Variants in SHANK1 observed in about 807,000 individuals in gnomAD.
SHANK1 encodes the protein SH3 and multiple ankyrin repeat domains 1.
In SHANK1, 35 loss-of-function variants were observed where a neutral mutation model predicts 165.6. The ratio of observed to expected loss-of-function variants is 0.21; its 90% confidence interval spans 0.16 to 0.28. The LOEUF (loss-of-function observed/expected upper bound fraction) is 0.28, where lower values mean the gene tolerates loss of function less well. SHANK1 is among the 10% of genes least tolerant of loss of function. The probability of loss-of-function intolerance (pLI) is 1.00; values close to 1 mark genes in which losing one functional copy is unlikely to be tolerated. For missense variants in SHANK1, 2,681 were observed against 3,036.4 expected, an observed-to-expected ratio of 0.88 and a Z score of 2.75; for synonymous variants, 1,428 against 1,384.8, an observed-to-expected ratio of 1.03 and a Z score of -0.69.
In SHANK1 at chr19:50,666,711, T is replaced by C; in HGVS notation, c.5249A>G (p.Gln1750Arg). Residue 1750 changes from glutamine (Q) to arginine (R), a missense_variant, in exon 23 of 24, where the codon CAG (glutamine) becomes CGG (arginine). Physicochemically the swap from Gln to Arg is conservative, Grantham distance 43. This residue lies in a region of SHANK1 where 1,713 missense variants were observed against 1,630.2 expected (regional missense o/e 1.05). Coordinates refer to ENST00000293441, the MANE Select transcript of SHANK1 (RefSeq NM_016148.5). ...CCGGAGCTTAGAGGGAGTCATGAGCTGAGGAGGGTATGGCGGGCCGGGAGT... is the reference window on the plus strand; with the variant it reads ...CCGGAGCTTAGAGGGAGTCATGAGCCGAGGAGGGTATGGCGGGCCGGGAGT... ...SSTPGPPYPP[Q>R]LMTPSKLRGR... The C allele has an allele frequency of 6.3e-7, 1 of 1,583,076 alleles. No individual in the cohort carries two copies. The highest frequency in any genetic ancestry group is 8.6e-7 in the Non-Finnish European group (1 of 1,166,574).
chr19:50,661,501 A>T lies in SHANK1; in HGVS notation c.*464T>A, dbSNP rs1985219766. On this transcript the variant is annotated 3_prime_UTR_variant, in exon 24 of 24. Coordinates refer to ENST00000293441, the MANE Select transcript of SHANK1 (RefSeq NM_016148.5). ...AGGGGGGCAGCTGTGTGTGCTGGGG[A>T]GAGGGGAAGGGGGGAGAGCTGAGGG... is the stretch of plus-strand genomic sequence containing the variant. Among the ~76,000 whole-genome samples, 1 of 115,668 alleles carries T rather than the reference A, an allele frequency of 8.6e-6. No homozygotes were observed. The allele number at this position is 115,668 out of a possible 152,430, so 75.9% of individuals were successfully genotyped here. A position where few individuals can be genotyped will look rare whatever the true frequency, so the allele number is the denominator to read the frequency against.
At chr19:50,684,930 C>G (rs1303189634) in intron 21 of SHANK1, among the ~76,000 whole-genome samples, 1 of 152,194 alleles carries the variant, frequency 6.6e-6, no homozygotes, top group African/African-American at 2.4e-5. Flanking sequence ...TTTAGTGTAA[C>G]TGGCCTCTTT....
At chr19:50,715,206 G>A (rs891898715) in intron 4 of SHANK1, among the ~76,000 whole-genome samples, 3 of 152,090 alleles carry the variant, frequency 2.0e-5, no homozygotes, top group Admixed American at 1.3e-4. Flanking sequence ...GCTGGAAAGG[G>A]GGGTGTAATG....
At position 50,688,715 on chromosome 19, in the gene SHANK1, G is replaced by A. The variant is rs1189861781; in HGVS notation, c.2172+129C>T. 6.1e-6 allele frequency: 5 copies of A among 824,020 alleles called. No individual in the cohort carries two copies. The highest frequency in any genetic ancestry group is 1.8e-5 in the South Asian group (1 of 55,646). The allele number at this position is 824,020 out of a possible 1,614,324, so 51.0% of individuals were successfully genotyped here. On this transcript the variant is annotated intron_variant, in intron 17 of 23. Coordinates refer to ENST00000293441, the MANE Select transcript of SHANK1 (RefSeq NM_016148.5). The surrounding 1 kb of genome is among the most constrained non-coding windows in gnomAD (Gnocchi z 6.7). ...GGGGAAAGCAGAGGCTGGCTGGGGG[G>A]TGGGCAGGGGGCTGGGAATCCTGGT...
chr19:50,719,646 C>T lies in SHANK1; in HGVS notation c.-284G>A, dbSNP rs2089114715. Among the ~76,000 whole-genome samples the T allele has an allele frequency of 6.7e-6, 1 of 149,378 alleles. No homozygotes were observed. The highest frequency in any genetic ancestry group is 6.6e-5 in the Admixed American group (1 of 15,082). On this transcript the variant is annotated 5_prime_UTR_variant, in exon 1 of 24. Coordinates refer to ENST00000293441, the MANE Select transcript of SHANK1 (RefSeq NM_016148.5). ...AGCGCCCCCCCTTCCGCCGCGGCCGCCGCGCCCCTCCTCGCCCGCCCCCGG... is the reference window on the plus strand; with the variant it reads ...AGCGCCCCCCCTTCCGCCGCGGCCGTCGCGCCCCTCCTCGCCCGCCCCCGG...
At position 50,686,725 on chromosome 19, in the gene SHANK1, C is replaced by T. The variant is rs373724363; in HGVS notation, c.2458+19G>A. The T allele has an allele frequency of 4.3e-6, 7 of 1,611,596 alleles. No homozygotes were observed. The highest frequency in any genetic ancestry group is 2.2e-5 in the East Asian group (1 of 44,754). ...GGCTGGGGCCCGGCATCCCGAGGAG[C>T]AGGGCTGGGCCGTCTTACTGAGAGC... On this transcript the variant is annotated intron_variant, in intron 20 of 23. Coordinates refer to ENST00000293441, the MANE Select transcript of SHANK1 (RefSeq NM_016148.5). This position sits in a 1 kb window ranked among gnomAD's most constrained non-coding sequence, Gnocchi z 5.7.
At chr19:50,677,965 T>C (rs1219071708) in intron 21 of SHANK1, among the ~76,000 whole-genome samples, 1 of 152,234 alleles carries the variant, frequency 6.6e-6, no homozygotes, top group African/African-American at 2.4e-5. Flanking sequence ...TGCAGCTGTG[T>C]GGTATCAGAG....
chr19:50,669,772 T>TAA (rs398041052), intron 22 of SHANK1, among the ~76,000 whole-genome samples: 55 of 147,446 alleles, frequency 3.7e-4, no homozygotes, highest in Middle Eastern at 3.5e-3. Flanking sequence ...ATTGGATCTA[T>TAA]AAAAAAAAAA....
rs952161325 is a variant in SHANK1, at chr19:50,668,174, C to A, written c.3786G>T (p.Ala1262=). The A allele has an allele frequency of 6.8e-7, 1 of 1,473,966 alleles. No homozygotes were observed. Among genetic ancestry groups the A allele is most frequent in the East Asian group, 2.9e-5 (1 of 34,246 alleles). 91.3% of individuals were successfully genotyped at this position (1,473,966 alleles called of 1,614,324 possible). The change falls in exon 23 of 24, where the codon GCG becomes GCT. Residue 1262 remains alanine (A), a synonymous_variant. Transcript: ENST00000293441. ...RRSTLFLSTD[A]GDEDGGDGGL... is the part of the protein sequence containing the mutation. ...CGCCGTCCCCGCCGTCCTCGTCCCCCGCGTCGGTGGACAGGAACAGCGTGG... is the reference window on the plus strand; with the variant it reads ...CGCCGTCCCCGCCGTCCTCGTCCCCAGCGTCGGTGGACAGGAACAGCGTGG...
chr19:50,663,684 A>G (rs1037160040), intron 23 of SHANK1, among the ~76,000 whole-genome samples: 1 of 151,966 alleles, frequency 6.6e-6, no homozygotes, highest in Non-Finnish European at 1.5e-5. Flanking sequence ...TCATGAGTCA[A>G]TAATTAATGC....
Position 50,697,735 on chromosome 19 carries a change from C to A in SHANK1, c.1862-71G>T. On this transcript the variant is annotated intron_variant, in intron 13 of 23. Transcript: ENST00000293441. This position sits in a 1 kb window ranked among gnomAD's most constrained non-coding sequence, Gnocchi z 4.7. ...ACAATCCCAGCCCTAGAGCTCCTGG[C>A]CCAAGTCTTCCCATCTACCTCCCAG... 1 of 1,544,588 alleles carries A rather than the reference C, an allele frequency of 6.5e-7. No homozygotes were observed. Among genetic ancestry groups the A allele is most frequent in the Non-Finnish European group, 8.9e-7 (1 of 1,117,920 alleles).
chr19:50,715,832 C>A lies in SHANK1; in HGVS notation c.460-102G>T. The stretch of plus-strand genomic sequence containing the variant: ...GGAAGGTCTGATCCCCTTCTAATTC[C>A]CCGGGGTAGCTCAGGGTGGGAGTGA... On this transcript the variant is annotated intron_variant, in intron 3 of 23. Transcript: ENST00000293441. 3 of 1,142,040 alleles carry A rather than the reference C, an allele frequency of 2.6e-6. No homozygotes were observed. In the South Asian group the frequency reaches 3.7e-5, roughly 14 times the overall value. The allele number at this position is 1,142,040 out of a possible 1,614,324, so 70.7% of individuals were successfully genotyped here.
rs540361981 is a variant in SHANK1 at position 50,680,774 on chromosome 19, T to C, written c.2577+5463A>G. ...AGGTTCAAGCGATTCTCCTGTCCCA[T>C]GCTCCCGAGTAGCTGGAATAACAGG... On this transcript the variant is annotated intron_variant, in intron 21 of 23. Transcript: ENST00000293441. Among the ~76,000 whole-genome samples, 6 of 151,996 alleles carry C rather than the reference T, an allele frequency of 3.9e-5. No individual in the cohort carries two copies. The South Asian group carries it at 6.2e-4, about 16-fold the overall frequency.
chr19:50,680,809 C>A (rs551347428), intron 21 of SHANK1, among the ~76,000 whole-genome samples: 2 of 152,296 alleles, frequency 1.3e-5, no homozygotes, highest in Admixed American at 6.5e-5. Context: ...GCGTGCGCCA[C>A]CACACCCAGC....
Position 50,686,883 on chromosome 19 carries a change from G to A in SHANK1, c.2390-71C>T, listed in dbSNP as rs1986359356. The A allele has an allele frequency of 8.3e-6, 13 of 1,575,504 alleles. No individual in the cohort carries two copies. Among genetic ancestry groups the A allele is most frequent in the South Asian group, 1.1e-5 (1 of 88,766 alleles). On this transcript the variant is annotated intron_variant, in intron 19 of 23. Coordinates refer to ENST00000293441, the MANE Select transcript of SHANK1 (RefSeq NM_016148.5). This position sits in a 1 kb window ranked among gnomAD's most constrained non-coding sequence, Gnocchi z 5.7. ...GGGGCGGAGCGGGCTCGGCCTGTGG[G>A]CGTGGCCAGCAGGTGCGGGCCAGTG... is the stretch of plus-strand genomic sequence containing the variant.
chr19:50,693,481 C>G (rs1986609861), intron 15 of SHANK1, among the ~76,000 whole-genome samples: 1 of 151,942 alleles, frequency 6.6e-6, no homozygotes, highest in Non-Finnish European at 1.5e-5. Context: ...CCAGGCCATC[C>G]CTAAGCGACC....
chr19:50,685,727 A>G (rs12972869), intron 21 of SHANK1, among the ~76,000 whole-genome samples: 55,142 of 151,926 alleles, frequency 0.36, 10,492 homozygotes, highest in Non-Finnish European at 0.42. Flanking sequence ...CAGTCTCAAA[A>G]TAAATAAATA....
chr19:50,683,618 C>A (rs1310474943), intron 21 of SHANK1, among the ~76,000 whole-genome samples: 1 of 152,092 alleles, frequency 6.6e-6, no homozygotes, highest in Non-Finnish European at 1.5e-5. Context: ...GATATCACCA[C>A]TAAAAGGCCC....
Position 50,666,182 on chromosome 19 carries a change from C to A in SHANK1, c.5768+10G>T. ...CTGGCCTCCCTTGTTGGCCACCAGCCCCCGCTTACCTCTGCCGCTGCAGGG... is the reference window on the plus strand; with the variant it reads ...CTGGCCTCCCTTGTTGGCCACCAGCACCCGCTTACCTCTGCCGCTGCAGGG... On this transcript the variant is annotated intron_variant, in intron 23 of 23. Coordinates refer to ENST00000293441, the MANE Select transcript of SHANK1 (RefSeq NM_016148.5). 1 of 1,571,440 alleles carries A rather than the reference C, an allele frequency of 6.4e-7. No individual in the cohort carries two copies. The highest frequency in any genetic ancestry group is 2.3e-5 in the East Asian group (1 of 43,424).
Sources: gnomAD v4.1 joint callset for allele counts (sites outside exome capture counted in the v4.1 genomes callset) on GRCh38, gnomAD v4.1.1 for gene constraint, gnomAD v4.1.1 regional missense constraint, Gnocchi (gnomAD v3.1) non-coding constraint, MANE v1.5 for transcripts, NCBI Gene and HGNC (gene_info 2026-07-23, HGNC 2026-07-21) for gene names.